The following MTFMT variants were observed in gnomAD, a reference collection of about 807,000 sequenced individuals.
MTFMT encodes the protein mitochondrial methionyl-tRNA formyltransferase, also known as methionyl-tRNA formyltransferase, mitochondrial.
A neutral mutation model predicts 51.8 loss-of-function variants in MTFMT; 47 were observed. The ratio of observed to expected loss-of-function variants is 0.91; its 90% CI spans 0.72 to 1.16. The LOEUF (loss-of-function observed/expected upper bound fraction) is 1.16, where lower values mean the gene tolerates loss of function less well. Among genes scored for constraint, MTFMT ranks in the 50% most tolerant of loss-of-function variants. The pLI, the probability that MTFMT is intolerant of heterozygous loss-of-function variation, is 0.00. For synonymous variants in MTFMT, 196 were observed against 176.7 expected (o/e 1.11, Z -0.87); for missense variants, 512 against 482.3 (o/e 1.06, Z -0.58).
intron 5 of MTFMT, among the ~76,000 whole-genome samples, chr15:65,017,972 C>T (rs972151922): frequency 6.6e-6 from 1 of 151,990 alleles, no homozygotes; most frequent in African/African-American, 2.4e-5. Flanking sequence ...AAAGGAAACA[C>T]TGGAAGACTA....
chr15:65,007,555 A>C (rs2086228765), intron 6 of MTFMT, among the ~76,000 whole-genome samples: 1 of 152,192 alleles, frequency 6.6e-6, no homozygotes, highest in Non-Finnish European at 1.5e-5. Flanking sequence ...GGGCTTACAC[A>C]TTTCTGGATA....
rs375215524 is a variant in MTFMT, at chr15:65,026,829, A to C, written c.419+2T>G. The C allele has an allele frequency of 1.2e-6, 2 of 1,612,282 alleles. No homozygotes were observed. The highest frequency in any genetic ancestry group is 1.7e-6 in the Non-Finnish European group (2 of 1,178,840). ...CTGTATTTCCTTACAAATAAAACTT[A>C]CTAGGGAAATTTAAGAATAAGAGCC... On this transcript the variant is annotated splice_donor_variant, in intron 2 of 8. Coordinates refer to ENST00000220058, the MANE Select transcript of MTFMT (RefSeq NM_139242.4). LOFTEE classifies it high-confidence loss of function.
chr15:65,016,015 A>C (rs927645033), intron 6 of MTFMT: 1 of 153,156 alleles, frequency 6.5e-6, no homozygotes, highest in Non-Finnish European at 1.5e-5. Context: ...CATATGTAGA[A>C]ATCAATGATT....
rs775459547 is a variant in MTFMT, at chr15:65,001,632, CAGG to C, written c.*1427_*1429del. 5 of 152,202 alleles carry C rather than the reference CAGG, an allele frequency of 3.3e-5. No individual in the cohort carries two copies. The highest frequency in any genetic ancestry group is 4.8e-5 in the African/African-American group (2 of 41,430). 9.4% of individuals were successfully genotyped at this position (152,202 alleles called of 1,614,324 possible). ...ATCCCAGCACTTTGAGAGGCCAAGG[CAGG>C]AGGATTGCTTGGGCCCAGGAGTTCA... On this transcript the variant is annotated 3_prime_UTR_variant, in exon 9 of 9. Coordinates refer to ENST00000220058, the MANE Select transcript of MTFMT (RefSeq NM_139242.4).
At position 65,004,875 on chromosome 15, in the gene MTFMT, T is replaced by C. The variant is rs2086208898; in HGVS notation, c.954A>G (p.Gln318=). The C allele has an allele frequency of 6.2e-7, 1 of 1,607,130 alleles. No individual in the cohort carries two copies. The highest frequency in any genetic ancestry group is 1.3e-5 in the African/African-American group (1 of 74,828). Residue 318 remains glutamine (Q), a synonymous_variant, in exon 8 of 9, where the codon CAA becomes CAG. Coordinates refer to ENST00000220058, the MANE Select transcript of MTFMT (RefSeq NM_139242.4). ...PGSVIYHKQS[Q]ILLVYCKDGW... is the part of the protein sequence containing the mutation. ...ATACCTTGCAATAAACCAATAGTATTTGTGACTGTTTGTGGTATATTACTG... is the reference window on the plus strand; with the variant it reads ...ATACCTTGCAATAAACCAATAGTATCTGTGACTGTTTGTGGTATATTACTG...
intron 6 of MTFMT, among the ~76,000 whole-genome samples, chr15:65,008,614 TA>T (rs2086238119): frequency 6.6e-6 from 1 of 152,228 alleles, no homozygotes; most frequent in Non-Finnish European, 1.5e-5. Flanking sequence ...TGACACCCCT[TA>T]AAGAGGGTAT....
intron 6 of MTFMT, among the ~76,000 whole-genome samples, chr15:65,008,260 A>G (rs912695983): frequency 6.6e-6 from 1 of 152,166 alleles, no homozygotes; most frequent in Non-Finnish European, 1.5e-5. Context: ...TTCCCCCACC[A>G]ATGGTTGGCC....
At position 65,029,428 on chromosome 15, in the gene MTFMT, C is replaced by G. The variant is rs183891284; in HGVS notation, c.186G>C (p.Ala62=). ...FFGTDQFARE[A]LRALHAAREN... ...ACCTGGCGGCGTGCAGCGCCCGCAG[C>G]GCCTCGCGGGCGAACTGGTCCGTGC... Residue 62 remains alanine (A), a synonymous_variant, in exon 1 of 9, where the codon GCG becomes GCC. Coordinates refer to ENST00000220058, the MANE Select transcript of MTFMT (RefSeq NM_139242.4). 4,783 of 1,503,082 alleles carry G rather than the reference C, an allele frequency of 3.2e-3. 15 individuals are homozygous for G. The highest frequency in any genetic ancestry group is 6.3e-3 in the Admixed American group (293 of 46,324). The allele number at this position is 1,503,082 out of a possible 1,614,324, so 93.1% of individuals were successfully genotyped here. A position where few individuals can be genotyped will look rare whatever the true frequency, so the allele number is the denominator to read the frequency against.
At chr15:65,021,862 G>A (rs955883751) in intron 3 of MTFMT, among the ~76,000 whole-genome samples, 4 of 152,146 alleles carry the variant, frequency 2.6e-5, no homozygotes, top group African/African-American at 9.7e-5. Context: ...TAATTTGGCT[G>A]TTAGACATTA....
Position 65,001,662 on chromosome 15 carries a change from G to A in MTFMT, c.*1400C>T, listed in dbSNP as rs971275464. 2.0e-5 allele frequency: 3 copies of A among 152,270 alleles called. No homozygotes were observed. The highest frequency in any genetic ancestry group is 7.2e-5 in the African/African-American group (3 of 41,538). The allele number at this position is 152,270 out of a possible 1,614,324, so 9.4% of individuals were successfully genotyped here. ...GGATTGCTTGGGCCCAGGAGTTCAA[G>A]ACCAGCCTAAGCAACATAGTGAGAC... On this transcript the variant is annotated 3_prime_UTR_variant, in exon 9 of 9. Transcript: ENST00000220058.
intron 7 of MTFMT, among the ~76,000 whole-genome samples, chr15:65,005,818 G>A (rs1458155101): frequency 6.6e-6 from 1 of 152,090 alleles, no homozygotes; most frequent in African/African-American, 2.4e-5. Context: ...ATGTCAGTCA[G>A]GCTAGTCTCG....
chr15:65,016,466 T>C lies in MTFMT; in HGVS notation c.783A>G (p.Ile261Met). 6.2e-7 allele frequency: 1 copy of C among 1,612,264 alleles called. No homozygotes were observed. The highest frequency in any genetic ancestry group is 8.5e-7 in the Non-Finnish European group (1 of 1,178,772). The change falls in exon 6 of 9, where the codon ATA becomes ATG. Residue 261 changes from isoleucine to methionine, a missense_variant. Coordinates refer to ENST00000220058, the MANE Select transcript of MTFMT (RefSeq NM_139242.4). The part of the protein sequence containing the change: ...IKWEEQTSEQ[I>M]FRLYRAIGNI... ...TTCCAATGGCACGGTAAAGTCTGAA[T>C]ATTTGTTCTGAAGTTTGTTCCTCCC...
At chr15:65,010,340 T>C (rs2140476904) in intron 6 of MTFMT, among the ~76,000 whole-genome samples, 1 of 138,106 alleles carries the variant, frequency 7.2e-6, no homozygotes, top group East Asian at 2.1e-4. Flanking sequence ...TTTTAGAACA[T>C]TTTCATTACC....
At position 65,029,604 on chromosome 15, in the gene MTFMT, A is replaced by G. The variant is rs766734981; in HGVS notation, c.10T>C (p.Leu4=). Residue 4 remains leucine (L), a synonymous_variant, in exon 1 of 9, where the codon TTG becomes CTG. Coordinates refer to ENST00000220058, the MANE Select transcript of MTFMT (RefSeq NM_139242.4). MRV[L]VRRCWGPPLA... is the part of the protein sequence containing the mutation. ...GGAGGACCCCAACAGCGCCGCACCA[A>G]CACCCTCATCGCCTCGGCCGCCGGC... 1.7e-5 allele frequency: 24 copies of G among 1,379,532 alleles called. No homozygotes were observed. Among genetic ancestry groups the G allele is most frequent in the Non-Finnish European group, 2.2e-5 (23 of 1,057,498 alleles). The allele number at this position is 1,379,532 out of a possible 1,614,324, so 85.5% of individuals were successfully genotyped here. A position where few individuals can be genotyped will look rare whatever the true frequency, so the allele number is the denominator to read the frequency against.
chr15:65,003,855 A>AAAAAAAAAAAAAAAAAAAAAAAAAG (rs2086199151), intron 8 of MTFMT, among the ~76,000 whole-genome samples: 1 of 149,428 alleles, frequency 6.7e-6, no homozygotes, highest in Non-Finnish European at 1.5e-5. Context: ...CAAAAAAAAA[A>AAAAAAAAAAAAAAAAAAAAAAAAAG]AAAAAAAAAA....
At chr15:65,018,714 G>A (rs562411608) in intron 5 of MTFMT, among the ~76,000 whole-genome samples, 10 of 152,290 alleles carry the variant, frequency 6.6e-5, no homozygotes, top group Admixed American at 6.5e-4. Flanking sequence ...GAAGTGAAGA[G>A]TGTTAACAGA....
At chr15:65,007,631 C>T (rs2086229785) in intron 6 of MTFMT, among the ~76,000 whole-genome samples, 1 of 152,118 alleles carries the variant, frequency 6.6e-6, no homozygotes, top group African/African-American at 2.4e-5. Flanking sequence ...CATTTTATTG[C>T]TAAACTGCCT....
chr15:65,006,217 G>A, intron 6 of MTFMT, 26 bp from the exon 7 acceptor site: 1 of 1,582,216 alleles, frequency 6.3e-7, no homozygotes, highest in Non-Finnish European at 8.7e-7. Context: ...AAGAAGGTAT[G>A]ATAAAGGAAT....
intron 5 of MTFMT, 112 bp downstream of exon 5, chr15:65,020,085 G>A (rs2086358556): frequency 1.1e-6 from 1 of 902,248 alleles, no homozygotes; most frequent in Non-Finnish European, 1.7e-6. Context: ...CACAAAAGTG[G>A]GCACTCAATC....
Sources: allele counts gnomAD v4.1 joint callset (sites outside exome capture counted in the v4.1 genomes callset), GRCh38; gene constraint gnomAD v4.1.1; transcripts MANE v1.5; gene names NCBI Gene and HGNC (gene_info 2026-07-23, HGNC 2026-07-21).